The following GOLGA4 variants were observed in gnomAD, a reference collection of about 807,000 sequenced individuals.
GOLGA4 encodes golgin subfamily A member 4.
GOLGA4 carries 169 observed loss-of-function variants against 265.9 expected under a neutral mutation model. The ratio of observed to expected loss-of-function variants is 0.64; its 90% CI spans 0.56 to 0.72. GOLGA4 has a LOEUF of 0.72. Among genes scored for constraint, GOLGA4 ranks in the 30% least tolerant of loss-of-function variants. GOLGA4 has a pLI of 0.00. For missense variants in GOLGA4, 2,482 were observed against 2,483.4 expected (o/e 1.00, Z 0.01); for synonymous variants, 923 against 855.8 (o/e 1.08, Z -1.37).
chr3:37,250,370 T>C (rs2096730562), intron 1 of GOLGA4: 1 of 152,236 alleles, frequency 6.6e-6, no homozygotes. Flanking sequence ...TCTATCCTGA[T>C]GCAAAATGTT....
chr3:37,295,051 C>T lies in GOLGA4; in HGVS notation c.655C>T (p.Gln219Ter). The T allele has an allele frequency of 6.3e-7, 1 of 1,589,228 alleles. No homozygotes were observed. Among genetic ancestry groups the T allele is most frequent in the Non-Finnish European group, 8.6e-7 (1 of 1,163,752 alleles). ...EFDASLEEKD[Q>*]YISVLQTQVS... is the part of the protein sequence containing the mutation. ...TGATGCATCTTTAGAGGAGAAAGAT[C>T]AGTATATCAGTGTTCTCCAAACTCA... is the stretch of plus-strand genomic sequence containing the variant. The change falls in exon 6 of 24, where the codon CAG becomes TAG. Residue 219 changes from glutamine to a stop codon, truncating the protein, a stop_gained. Transcript: ENST00000361924. LOFTEE classifies it high-confidence loss of function.
chr3:37,312,045 G>A (rs2096924495), intron 10 of GOLGA4, among the ~76,000 whole-genome samples: 1 of 152,044 alleles, frequency 6.6e-6, no homozygotes, highest in Non-Finnish European at 1.5e-5. Context: ...ATTGACAAAA[G>A]GTTTTCATTT....
chr3:37,258,169 A>G (rs558811597), intron 2 of GOLGA4, among the ~76,000 whole-genome samples: 1 of 144,496 alleles, frequency 6.9e-6, no homozygotes, highest in East Asian at 2.0e-4. Flanking sequence ...TATGCTATAT[A>G]TATAGCATAT....
intron 23 of GOLGA4, among the ~76,000 whole-genome samples, chr3:37,364,312 C>A (rs1181850819): frequency 6.6e-6 from 1 of 151,806 alleles, no homozygotes; most frequent in Non-Finnish European, 1.5e-5. Context: ...GCAATCTCGG[C>A]TCACTGCAAC....
chr3:37,291,242 G>A (rs1559388839), intron 5 of GOLGA4, among the ~76,000 whole-genome samples: 1 of 151,914 alleles, frequency 6.6e-6, no homozygotes, highest in Non-Finnish European at 1.5e-5. Context: ...TCTTTATAAT[G>A]TTATTATATC....
In GOLGA4 at chr3:37,276,625, A is replaced by G. The variant is rs575213665; in HGVS notation, c.163-5333A>G. 2.3e-5 allele frequency: 36 copies of G among 1,538,838 alleles called. No homozygotes were observed. In the African/African-American group the frequency reaches 4.2e-4, roughly 18 times the overall value. ...TTGGAAGAATTGGCAAAATATCTGG[A>G]CCATTAAGAAAACGGATTTTGTAAC... On this transcript the variant is annotated intron_variant, in intron 2 of 23. Transcript: ENST00000361924.
chr3:37,344,356 C>T (rs559954283), intron 20 of GOLGA4, among the ~76,000 whole-genome samples: 1 of 152,334 alleles, frequency 6.6e-6, no homozygotes, highest in South Asian at 2.1e-4. Context: ...CCCGCCTTGG[C>T]CTCCCAAAGT....
intron 1 of GOLGA4, chr3:37,249,797 G>A (rs1284703412): frequency 6.6e-6 from 1 of 152,134 alleles, no homozygotes; most frequent in African/African-American, 2.4e-5. Context: ...TTTCCCTGAG[G>A]TCCCAAAAGT....
rs2096708048 is a variant in GOLGA4 at position 37,243,401 on chromosome 3, G to T, written c.-150G>T. 5.8e-6 allele frequency: 4 copies of T among 688,598 alleles called. No homozygotes were observed. Among genetic ancestry groups the T allele is most frequent in the Non-Finnish European group, 1.0e-5 (4 of 383,202 alleles). The allele number at this position is 688,598 out of a possible 1,614,324, so 42.7% of individuals were successfully genotyped here. A position where few individuals can be genotyped will look rare whatever the true frequency, so the allele number is the denominator to read the frequency against. ...CCGACACCCTCAGGACGAGTGTCCGGACTTGCCCACAGCCTCAAGGAGGAG... is the reference window on the plus strand; with the variant it reads ...CCGACACCCTCAGGACGAGTGTCCGTACTTGCCCACAGCCTCAAGGAGGAG... On this transcript the variant is annotated 5_prime_UTR_variant, in exon 1 of 24. Coordinates refer to ENST00000361924, the MANE Select transcript of GOLGA4 (RefSeq NM_002078.5).
At chr3:37,291,281 T>C (rs912842959) in intron 5 of GOLGA4, among the ~76,000 whole-genome samples, 1 of 152,184 alleles carries the variant, frequency 6.6e-6, no homozygotes, top group Non-Finnish European at 1.5e-5. Flanking sequence ...TGTTTTTTTT[T>C]CCTTCCTATG....
chr3:37,361,505 T>C (rs563118345), intron 23 of GOLGA4, among the ~76,000 whole-genome samples, 200 bp downstream of exon 23: 8 of 152,360 alleles, frequency 5.3e-5, no homozygotes, highest in African/African-American at 1.9e-4. Flanking sequence ...AGTTATATAA[T>C]TTTAGGAAAT....
chr3:37,340,819 T>A (rs1365435455), intron 20 of GOLGA4, among the ~76,000 whole-genome samples: 1 of 152,212 alleles, frequency 6.6e-6, no homozygotes. Flanking sequence ...ATGTGGTTAA[T>A]CTGTTTTTTA....
chr3:37,281,667 G>T (rs2096835041), intron 2 of GOLGA4, among the ~76,000 whole-genome samples: 1 of 152,082 alleles, frequency 6.6e-6, no homozygotes, highest in African/African-American at 2.4e-5. Context: ...GGAAAGTACT[G>T]TGTTTTTCTT....
At chr3:37,291,056 C>T (rs2096863244) in intron 5 of GOLGA4, among the ~76,000 whole-genome samples, 1 of 151,944 alleles carries the variant, frequency 6.6e-6, no homozygotes, top group Non-Finnish European at 1.5e-5. Context: ...ATTAAATGCC[C>T]ATGTTTTATA....
chr3:37,312,172 A>T (rs921645379), intron 10 of GOLGA4, among the ~76,000 whole-genome samples: 9 of 152,224 alleles, frequency 5.9e-5, no homozygotes, highest in African/African-American at 1.9e-4. Context: ...ATGCTGGATA[A>T]TAATGAAAAG....
intron 11 of GOLGA4, among the ~76,000 whole-genome samples, chr3:37,317,658 G>A (rs1400086663): frequency 6.6e-6 from 1 of 151,964 alleles, no homozygotes; most frequent in Non-Finnish European, 1.5e-5. Context: ...AATAAAGATG[G>A]CATTATCTAA....
At chr3:37,333,312 C>G (rs866562290) in intron 16 of GOLGA4, among the ~76,000 whole-genome samples, 1 of 152,080 alleles carries the variant, frequency 6.6e-6, no homozygotes, top group Admixed American at 6.5e-5. Context: ...AAAACATAAC[C>G]TGTTATGTAT....
At chr3:37,285,277 A>T (rs2150785079) in intron 3 of GOLGA4, among the ~76,000 whole-genome samples, 1 of 151,866 alleles carries the variant, frequency 6.6e-6, no homozygotes. Flanking sequence ...TTGGGATTAC[A>T]GGCATGAGCC....
chr3:37,334,531 G>A (rs755199355), intron 16 of GOLGA4, among the ~76,000 whole-genome samples: 7 of 152,210 alleles, frequency 4.6e-5, no homozygotes, highest in East Asian at 3.9e-4. Flanking sequence ...TGAAAACCCC[G>A]TAACTTCTGT....
Sources: gnomAD v4.1 joint callset for allele counts (sites outside exome capture counted in the v4.1 genomes callset) on GRCh38, gnomAD v4.1.1 for gene constraint, MANE v1.5 for transcripts, NCBI Gene and HGNC (gene_info 2026-07-23, HGNC 2026-07-21) for gene names.